BBOX1: variants seen among roughly 807,000 people sequenced by gnomAD.
BBOX1 encodes gamma-butyrobetaine dioxygenase.
BBOX1 carries 35 observed loss-of-function variants against 41.6 expected under a neutral mutation model. The observed-to-expected ratio is 0.84, with a 90% CI of 0.64 to 1.11. The LOEUF is 1.11. Among genes scored for constraint, BBOX1 ranks in the 50% most tolerant of loss-of-function variants. BBOX1 has a pLI of 0.00. For missense variants in BBOX1, 458 were observed against 460.6 expected, an observed-to-expected ratio of 0.99 and a Z score of 0.05; for synonymous variants, 163 against 154.7, an observed-to-expected ratio of 1.05 and a Z score of -0.40.
chr11:27,041,717 C>T (rs570427048), intron 2 of BBOX1, among the ~76,000 whole-genome samples: 14 of 152,238 alleles, frequency 9.2e-5, no homozygotes, highest in Admixed American at 3.3e-4. Flanking sequence ...CTGATTGCTT[C>T]TTGGCAGCTT....
At chr11:27,091,189 A>G (rs937974491) in intron 4 of BBOX1, among the ~76,000 whole-genome samples, 6 of 151,940 alleles carry the variant, frequency 3.9e-5, no homozygotes, top group Admixed American at 3.3e-4. Context: ...CCCTCCATTC[A>G]GGGTCCCTGA....
intron 4 of BBOX1, among the ~76,000 whole-genome samples, chr11:27,071,112 T>C (rs993776832): frequency 6.6e-5 from 10 of 152,080 alleles, no homozygotes; most frequent in South Asian, 2.1e-4. Context: ...CGGTGGCTCA[T>C]GCCTATAATC....
intron 5 of BBOX1, among the ~76,000 whole-genome samples, chr11:27,110,512 T>C (rs1859021068): frequency 6.6e-6 from 1 of 151,918 alleles, no homozygotes; most frequent in Non-Finnish European, 1.5e-5. Context: ...ACAAATACAC[T>C]AAACATACTC....
At chr11:27,049,196 A>G (rs1004044764) in intron 2 of BBOX1, among the ~76,000 whole-genome samples, 11 of 151,796 alleles carry the variant, frequency 7.2e-5, no homozygotes, top group Admixed American at 2.0e-4. Flanking sequence ...ATTCCCACTA[A>G]CGGTGTACAA....
intron 4 of BBOX1, among the ~76,000 whole-genome samples, chr11:27,066,227 G>A (rs1311474954): frequency 6.8e-6 from 1 of 147,874 alleles, no homozygotes; most frequent in Non-Finnish European, 1.5e-5. Flanking sequence ...TTTGGTTTTT[G>A]TTTTGTTTTG....
In BBOX1 at chr11:27,123,981, C is replaced by A. The variant is rs373601421; in HGVS notation, c.837-1673C>A. ...TCAATAGGTAGTTTTAAGGCCTTAC[C>A]CAATAAGCAAAGAATTGGTGCTAAT... On this transcript the variant is annotated intron_variant, in intron 7 of 8. Transcript: ENST00000263182. Among the ~76,000 whole-genome samples, 8 of 152,064 alleles carry A rather than the reference C, an allele frequency of 5.3e-5. No homozygotes were observed. In the East Asian group the frequency reaches 7.7e-4, roughly 15 times the overall value.
chr11:27,085,410 A>T (rs1015199173), intron 4 of BBOX1, among the ~76,000 whole-genome samples: 1 of 152,110 alleles, frequency 6.6e-6, no homozygotes, highest in Admixed American at 6.6e-5. Context: ...AATTATTTTC[A>T]TATCTGTTAT....
At position 27,041,466 on chromosome 11, in the gene BBOX1, G is replaced by A. The variant is rs1199263280; in HGVS notation, c.-51G>A. ...AAGGATCTAAGGACCAAAGCTGACA[G>A]TTTCTTTACTTGGTAAGTTTTGGGT... On this transcript the variant is annotated 5_prime_UTR_variant, in exon 2 of 9. Coordinates refer to ENST00000263182, the MANE Select transcript of BBOX1 (RefSeq NM_003986.3). The A allele has an allele frequency of 3.9e-5, 6 of 152,188 alleles. No homozygotes were observed. The highest frequency in any genetic ancestry group is 5.9e-5 in the Non-Finnish European group (4 of 68,064). The allele number at this position is 152,188 out of a possible 1,614,324, so 9.4% of individuals were successfully genotyped here. A position where few individuals can be genotyped will look rare whatever the true frequency, so the allele number is the denominator to read the frequency against.
chr11:27,055,671 C>T (rs777770420), intron 3 of BBOX1, 22 bp downstream of exon 3: 2 of 1,582,848 alleles, frequency 1.3e-6, no homozygotes, highest in Non-Finnish European at 1.7e-6. Flanking sequence ...TAAATTATGT[C>T]TCCCTTCTTT....
intron 2 of BBOX1, among the ~76,000 whole-genome samples, chr11:27,054,831 A>G (rs1422013416): frequency 6.6e-6 from 1 of 152,248 alleles, no homozygotes; most frequent in African/African-American, 2.4e-5. Flanking sequence ...ATGATAGAAC[A>G]GAAACAGCGC....
intron 4 of BBOX1, among the ~76,000 whole-genome samples, chr11:27,088,021 T>C (rs1430155063): frequency 6.6e-6 from 1 of 152,052 alleles, no homozygotes; most frequent in Non-Finnish European, 1.5e-5. Context: ...ATCTAAAAGA[T>C]AATATATTTT....
At chr11:27,120,441 G>A (rs1391754372) in intron 7 of BBOX1, among the ~76,000 whole-genome samples, 1 of 152,048 alleles carries the variant, frequency 6.6e-6, no homozygotes, top group Non-Finnish European at 1.5e-5. Flanking sequence ...TCCATGCCTG[G>A]ATCACATGTT....
Position 27,057,092 on chromosome 11 carries a change from A to C in BBOX1, c.220-109A>C, listed in dbSNP as rs1465434503. ...AAAAAAAAAAAAAAAAAAATTAAGC[A>C]AAGCATAATTGGATTCCCTGATTAT... On this transcript the variant is annotated intron_variant, in intron 3 of 8. Transcript: ENST00000263182. 2.8e-5 allele frequency: 11 copies of C among 395,052 alleles called. 1 individual carries two copies. The highest frequency in any genetic ancestry group is 4.7e-5 in the Non-Finnish European group (11 of 232,338). 24.5% of individuals were successfully genotyped at this position (395,052 alleles called of 1,614,324 possible).
chr11:27,051,437 T>G (rs1393078448), intron 2 of BBOX1, among the ~76,000 whole-genome samples: 1 of 152,056 alleles, frequency 6.6e-6, no homozygotes, highest in Non-Finnish European at 1.5e-5. Context: ...TTGGTGGAAT[T>G]CACTGGTGAA....
intron 2 of BBOX1, among the ~76,000 whole-genome samples, chr11:27,045,196 A>C (rs1851454652): frequency 6.6e-6 from 1 of 152,152 alleles, no homozygotes; most frequent in African/African-American, 2.4e-5. Context: ...AGCAATTGTG[A>C]ATGGGAGTTC....
intron 4 of BBOX1, among the ~76,000 whole-genome samples, chr11:27,066,222 T>TTTTTG (rs370720020): frequency 7.9e-5 from 12 of 152,130 alleles, no homozygotes; most frequent in South Asian, 2.1e-4. Context: ...GGTTTTTTGG[T>TTTTTG]TTTTGTTTTG....
At chr11:27,044,955 A>G (rs1265735902) in intron 2 of BBOX1, among the ~76,000 whole-genome samples, 1 of 152,150 alleles carries the variant, frequency 6.6e-6, no homozygotes, top group African/African-American at 2.4e-5. Flanking sequence ...GTTTTTTCCA[A>G]TTCTGTGAAG....
intron 7 of BBOX1, among the ~76,000 whole-genome samples, chr11:27,120,909 G>C (rs1400631526): frequency 6.6e-6 from 1 of 152,052 alleles, no homozygotes; most frequent in Non-Finnish European, 1.5e-5. Flanking sequence ...ACAAAACAAA[G>C]ATCTCTCCCC....
chr11:27,105,884 G>A (rs1284219240), intron 5 of BBOX1, among the ~76,000 whole-genome samples: 1 of 152,188 alleles, frequency 6.6e-6, no homozygotes, highest in Non-Finnish European at 1.5e-5. Flanking sequence ...CAGACTAAGA[G>A]TGGGTCTCTC....
Sources: gnomAD v4.1 joint callset for allele counts (sites outside exome capture counted in the v4.1 genomes callset) on GRCh38, gnomAD v4.1.1 for gene constraint, MANE v1.5 for transcripts, NCBI Gene and HGNC (gene_info 2026-07-23, HGNC 2026-07-21) for gene names.